IFI27L1: variants seen among roughly 807,000 people sequenced by gnomAD.
IFI27L1 encodes the protein interferon alpha-inducible protein 27-like protein 1.
A neutral mutation model predicts 9.2 loss-of-function variants in IFI27L1; 3 were observed. That is an observed-to-expected ratio of 0.32 (90% CI 0.15 to 0.84). IFI27L1 has a LOEUF of 0.84. Among genes scored for constraint, IFI27L1 ranks in the 40% least tolerant of loss-of-function variants. IFI27L1 has a pLI of 0.56. For missense variants in IFI27L1, 133 were observed against 134.2 expected, an observed-to-expected ratio of 0.99 and a Z score of 0.05; for synonymous variants, 53 against 50.0, an observed-to-expected ratio of 1.06 and a Z score of -0.26.
chr14:94,091,881 T>C (rs1181751042), intron 1 of IFI27L1, among the ~76,000 whole-genome samples: 1 of 152,042 alleles, frequency 6.6e-6, no homozygotes, highest in African/African-American at 2.4e-5. Context: ...CCCAGCACTT[T>C]GGGAGGCCAA....
chr14:94,101,017 AC>A, intron 3 of IFI27L1: 1 of 597,820 alleles, frequency 1.7e-6, no homozygotes, highest in Non-Finnish European at 3.0e-6. Context: ...AAACCATGCA[AC>A]CCCGGATGAG....
intron 1 of IFI27L1, among the ~76,000 whole-genome samples, chr14:94,085,774 C>G (rs1202181264): frequency 6.6e-6 from 1 of 152,074 alleles, no homozygotes; most frequent in Non-Finnish European, 1.5e-5. Context: ...AGAACATTTC[C>G]ACCACCCCAG....
intron 1 of IFI27L1, among the ~76,000 whole-genome samples, chr14:94,084,364 T>G (rs1315801797): frequency 6.6e-6 from 1 of 152,160 alleles, no homozygotes; most frequent in Admixed American, 6.5e-5. Context: ...TAACCAGGCT[T>G]GGTGGCATGC....
chr14:94,094,424 T>C (rs1050674971), intron 1 of IFI27L1, among the ~76,000 whole-genome samples: 1 of 152,108 alleles, frequency 6.6e-6, no homozygotes, highest in African/African-American at 2.4e-5. Flanking sequence ...GGTCTTTCTC[T>C]GGCCTCCCTG....
rs890596938 is a variant in IFI27L1 at position 94,100,975 on chromosome 14, A to G, written c.61+204A>G. 2.4e-5 allele frequency: 15 copies of G among 628,952 alleles called. 1 individual carries two copies. In the South Asian group the frequency reaches 2.8e-4, roughly 12 times the overall value. The allele number at this position is 628,952 out of a possible 1,614,324, so 39.0% of individuals were successfully genotyped here. On this transcript the variant is annotated intron_variant, in intron 3 of 4. Transcript: ENST00000555523. ...GGCACAGGGCTTTGGAGGCAGCCAG[A>G]GCTGGGGCTACTCTCAGCTTCCACC...
chr14:94,093,540 G>C (rs548705390), intron 1 of IFI27L1, among the ~76,000 whole-genome samples: 1 of 152,254 alleles, frequency 6.6e-6, no homozygotes, highest in African/African-American at 2.4e-5. Context: ...AAGATTTATA[G>C]TATGAAACAT....
At chr14:94,083,238 G>A (rs1373863247) in intron 1 of IFI27L1, among the ~76,000 whole-genome samples, 1 of 152,182 alleles carries the variant, frequency 6.6e-6, no homozygotes, top group Non-Finnish European at 1.5e-5. Flanking sequence ...ACTGAATTGT[G>A]GCAATCTCGT....
Position 94,099,131 on chromosome 14 carries a change from C to T in IFI27L1, c.29-1608C>T, listed in dbSNP as rs769088910. Among the ~76,000 whole-genome samples, 7 of 152,138 alleles carry T rather than the reference C, an allele frequency of 4.6e-5. No individual in the cohort carries two copies. The East Asian group carries it at 7.7e-4, about 17-fold the overall frequency. ...GAGGGAGACTTTGATGATGCAGAAG[C>T]GAGGGAGGCACTGCTGGAGCATGAC... On this transcript the variant is annotated intron_variant, in intron 2 of 4. Transcript: ENST00000555523.
At chr14:94,086,836 G>A (rs1886296933) in intron 1 of IFI27L1, among the ~76,000 whole-genome samples, 1 of 152,152 alleles carries the variant, frequency 6.6e-6, no homozygotes, top group Non-Finnish European at 1.5e-5. Context: ...ACCCATTTCT[G>A]CTTCTATCAT....
At position 94,102,491 on chromosome 14, in the gene IFI27L1, T is replaced by C; in HGVS notation, c.238T>C (p.Ser80Pro). The C allele has an allele frequency of 2.5e-6, 4 of 1,593,450 alleles. No individual in the cohort carries two copies. Among genetic ancestry groups the C allele is most frequent in the Non-Finnish European group, 3.4e-6 (4 of 1,169,574 alleles). The stretch of plus-strand genomic sequence containing the variant: ...TTCTCCCCCAGGGGCAGCTGGACTC[T>C]CTGTGACATCTAAAGTTATCGGGGG... ...ILQSVGAAGL[S>P]VTSKVIGGFA... The change falls in exon 5 of 5, where the codon TCT becomes CCT. Residue 80 changes from serine to proline, a missense_variant. Coordinates refer to ENST00000555523, the MANE Select transcript of IFI27L1 (RefSeq NM_206949.3).
chr14:94,098,996 A>G (rs2402410), intron 2 of IFI27L1, among the ~76,000 whole-genome samples: 17,844 of 152,268 alleles, frequency 0.12, 1,589 homozygotes, highest in East Asian at 0.49. Context: ...AACTACCACA[A>G]GGAGCTTTGC....
At chr14:94,090,832 A>G (rs1886451257) in intron 1 of IFI27L1, among the ~76,000 whole-genome samples, 1 of 152,252 alleles carries the variant, frequency 6.6e-6, no homozygotes, top group Non-Finnish European at 1.5e-5. Flanking sequence ...TTCTTATTGT[A>G]CTTATGCAGA....
chr14:94,097,822 C>T lies in IFI27L1; in HGVS notation c.28+857C>T, dbSNP rs114227497. On this transcript the variant is annotated intron_variant, in intron 2 of 4. Coordinates refer to ENST00000555523, the MANE Select transcript of IFI27L1 (RefSeq NM_206949.3). ...GGGCAGCTGTTGGAGGGACAGCTTC[C>T]AGAGGGGAAATGGGAGTGCACTTGG... 312 of 637,170 alleles carry T rather than the reference C, an allele frequency of 4.9e-4. 2 individuals are homozygous for T. The African/African-American group carries it at 5.2e-3, about 11-fold the overall frequency. The allele number at this position is 637,170 out of a possible 1,614,324, so 39.5% of individuals were successfully genotyped here. A position where few individuals can be genotyped will look rare whatever the true frequency, so the allele number is the denominator to read the frequency against.
intron 1 of IFI27L1, among the ~76,000 whole-genome samples, chr14:94,085,430 G>A (rs1322866848): frequency 1.3e-5 from 2 of 152,154 alleles, no homozygotes; most frequent in African/African-American, 2.4e-5. Flanking sequence ...CTGGCACATG[G>A]TGAGCTCAAT....
intron 1 of IFI27L1, among the ~76,000 whole-genome samples, chr14:94,090,730 T>C (rs1204118874): frequency 1.3e-5 from 2 of 152,232 alleles, no homozygotes; most frequent in African/African-American, 4.8e-5. Flanking sequence ...TAAGTCAAGT[T>C]TGATTCCTTA....
chr14:94,088,784 G>A lies in IFI27L1; in HGVS notation c.-52+7335G>A, dbSNP rs138533892. On this transcript the variant is annotated intron_variant, in intron 1 of 4. Transcript: ENST00000555523. ...CTTTTTAAGTGTCTATTAGTCATGC[G>A]TAATTCTGTCTTGGGGAGCTGTCTC... is the stretch of plus-strand genomic sequence containing the variant. Among the ~76,000 whole-genome samples the A allele has an allele frequency of 1.2e-3, 187 of 152,228 alleles. 4 individuals are homozygous for A. The East Asian group carries it at 0.034, about 27-fold the overall frequency.
intron 1 of IFI27L1, among the ~76,000 whole-genome samples, chr14:94,087,193 A>G (rs970569688): frequency 6.6e-6 from 1 of 152,200 alleles, no homozygotes; most frequent in African/African-American, 2.4e-5. Flanking sequence ...ATGTTTGGCT[A>G]TAAGGATTAA....
rs1595384284 is a variant in IFI27L1 at position 94,082,016 on chromosome 14, A to T, written c.-52+567A>T. On this transcript the variant is annotated intron_variant, in intron 1 of 4. Transcript: ENST00000555523. ...AGGAAGGGATGTCAAAAGGCAAGAT[A>T]GGCTGAAAGCTAGGCTGAAAGTTTG... Among the ~76,000 whole-genome samples the T allele has an allele frequency of 2.6e-5, 4 of 152,364 alleles. No homozygotes were observed. In the South Asian group the frequency reaches 8.3e-4, roughly 32 times the overall value.
intron 1 of IFI27L1, among the ~76,000 whole-genome samples, chr14:94,085,486 T>C (rs1314029759): frequency 6.6e-6 from 1 of 152,200 alleles, no homozygotes; most frequent in Non-Finnish European, 1.5e-5. Flanking sequence ...TTTATAAGCA[T>C]ACACATACCT....
Sources: allele counts gnomAD v4.1 joint callset (sites outside exome capture counted in the v4.1 genomes callset), GRCh38; gene constraint gnomAD v4.1.1; transcripts MANE v1.5; gene names NCBI Gene and HGNC (gene_info 2026-07-23, HGNC 2026-07-21).